CNOT11: variants seen among roughly 807,000 people sequenced by gnomAD.
The protein encoded by CNOT11 is UPF0760 protein C2orf29.
A neutral mutation model predicts 44.6 loss-of-function variants in CNOT11; 18 were observed. The observed-to-expected ratio is 0.40, with a 90% CI of 0.28 to 0.60. The LOEUF (loss-of-function observed/expected upper bound fraction) is 0.60, where lower values mean the gene tolerates loss of function less well. Ranked by LOEUF, CNOT11 falls within the 20% of genes least tolerant of loss-of-function variation. The pLI is 0.38. For synonymous variants in CNOT11, 291 were observed against 270.9 expected (o/e 1.07, Z -0.73); for missense variants, 513 against 677.0 (o/e 0.76, Z 2.69).
In CNOT11 at chr2:101,269,355, G is replaced by A; in HGVS notation, c.1475G>A (p.Arg492Gln). 6.2e-7 allele frequency: 1 copy of A among 1,613,990 alleles called. No individual in the cohort carries two copies. Among genetic ancestry groups the A allele is most frequent in the Non-Finnish European group, 8.5e-7 (1 of 1,179,984 alleles). ...SRIREAAGLFRLLKTLDTGET... is the reference protein window; with the variant it reads ...SRIREAAGLFQLLKTLDTGET... ...ATACGAGAAGCTGCTGGTCTTTTCC[G>A]GTTGTTGAAGACATTGGATACTGGG... Residue 492 changes from arginine (R) to glutamine (Q), a missense_variant, in exon 7 of 7, where the codon CGG (arginine) becomes CAG (glutamine). Coordinates refer to ENST00000289382, the MANE Select transcript of CNOT11 (RefSeq NM_017546.5). The surrounding 1 kb of genome is among the most constrained non-coding windows in gnomAD (Gnocchi z 4.8).
Position 101,253,223 on chromosome 2 carries a change from G to T in CNOT11, c.259G>T (p.Gly87Cys). ...EEAGGGSTFE[G>C]LSTAFHHYFS... ...GGCGGGCGGCGGCAGCACCTTCGAG[G>T]GCCTGTCCACCGCCTTCCACCACTA... is the stretch of plus-strand genomic sequence containing the variant. Residue 87 changes from glycine to cysteine, a missense_variant, in exon 1 of 7, where the codon GGC (glycine) becomes TGC (cysteine). This residue lies in a region of CNOT11 where 259 missense variants were observed against 265.7 expected (regional missense o/e 0.97). Coordinates refer to ENST00000289382, the MANE Select transcript of CNOT11 (RefSeq NM_017546.5). The surrounding 1 kb of genome is among the most constrained non-coding windows in gnomAD (Gnocchi z 4.3). 6.2e-7 allele frequency: 1 copy of T among 1,609,878 alleles called. No homozygotes were observed. Among genetic ancestry groups the T allele is most frequent in the Non-Finnish European group, 8.5e-7 (1 of 1,178,966 alleles).
intron 4 of CNOT11, 119 bp downstream of exon 4, chr2:101,265,166 T>A (rs1341390296): frequency 3.3e-6 from 2 of 602,758 alleles, no homozygotes. Context: ...AGTGGCACGA[T>A]CTCGGCTCAC....
chr2:101,256,164 G>C (rs546998172), intron 1 of CNOT11, among the ~76,000 whole-genome samples: 45 of 151,664 alleles, frequency 3.0e-4, no homozygotes, highest in African/African-American at 9.2e-4. Flanking sequence ...TGTAGAAGTT[G>C]AGGGATTTTG....
At chr2:101,265,135 C>T (rs1439988019) in intron 4 of CNOT11, 88 bp downstream of exon 4, 14 of 913,826 alleles carry the variant, frequency 1.5e-5, no homozygotes, top group Admixed American at 1.3e-4. Flanking sequence ...GAGTCTCACT[C>T]GGCTGCCCAG....
chr2:101,258,779 A>C (rs1273227194), intron 2 of CNOT11, among the ~76,000 whole-genome samples: 3 of 150,880 alleles, frequency 2.0e-5, no homozygotes, highest in Non-Finnish European at 4.4e-5. Flanking sequence ...GTGCAACTGC[A>C]CTTCAGCCTG....
In CNOT11 at chr2:101,253,125, C is replaced by CG; in HGVS notation, c.167dup (p.Ala58ArgfsTer63). On this transcript the variant is annotated frameshift_variant, in exon 1 of 7. Transcript: ENST00000289382. LOFTEE classifies it high-confidence loss of function. The surrounding 1 kb of genome is among the most constrained non-coding windows in gnomAD (Gnocchi z 4.3). Reference sequence around the variant, plus strand: ...GGCCCCGGGTCCGGGAGCGGAGGCCCGGGGGGCCCCGCGGGCAGGATGAGC... The same window carrying CG: ...GGCCCCGGGTCCGGGAGCGGAGGCCCGGGGGGGCCCCGCGGGCAGGATGAGC... 1.9e-6 allele frequency: 3 copies of CG among 1,541,930 alleles called. No individual in the cohort carries two copies. The highest frequency in any genetic ancestry group is 2.6e-6 in the Non-Finnish European group (3 of 1,151,712).
Position 101,266,616 on chromosome 2 carries a change from A to T in CNOT11, c.1036-61A>T. The stretch of plus-strand genomic sequence containing the variant: ...GCTTATTTCATATACATGGGAAAAA[A>T]AATTGACTCAACACCCTTTCTCTCT... On this transcript the variant is annotated intron_variant, in intron 4 of 6. Transcript: ENST00000289382. 6 of 1,324,322 alleles carry T rather than the reference A, an allele frequency of 4.5e-6. No individual in the cohort carries two copies. In the South Asian group the frequency reaches 6.0e-5, roughly 13 times the overall value. 82.0% of individuals were successfully genotyped at this position (1,324,322 alleles called of 1,614,324 possible). A position where few individuals can be genotyped will look rare whatever the true frequency, so the allele number is the denominator to read the frequency against.
In CNOT11 at chr2:101,262,539, A is replaced by G; in HGVS notation, c.680A>G (p.Glu227Gly). 6.2e-7 allele frequency: 1 copy of G among 1,613,736 alleles called. No homozygotes were observed. Among genetic ancestry groups the G allele is most frequent in the Admixed American group, 1.7e-5 (1 of 59,932 alleles). Residue 227 changes from glutamate to glycine, a missense_variant and splice_region_variant, in exon 3 of 7, where the codon GAA becomes GGA. Around this residue, in one of 4 missense-constraint regions of CNOT11, gnomAD observed 140 missense variants for 169.8 expected, o/e 0.82. Transcript: ENST00000289382. ...ATTTTAAAATGTCTCCTATTTCCAG[A>G]ACGCCAATCTGAATTGCCAACGCAA... The part of the protein sequence containing the change: ...DISGLQLALA[E>G]RQSELPTQSK...
Position 101,269,194 on chromosome 2 carries a change from AT to A in CNOT11, c.1336-11del, listed in dbSNP as rs759153224. ...CTGCCAGGAAAATGAGCAGACTAAC[AT>A]TTTTTTTTTTCCTTTTTCAGAATCG... On this transcript the variant is annotated intron_variant, in intron 6 of 6. Transcript: ENST00000289382. This position sits in a 1 kb window ranked among gnomAD's most constrained non-coding sequence, Gnocchi z 4.8. 7.8e-3 allele frequency: 8,696 copies of A among 1,112,348 alleles called. 15 individuals are homozygous for A. The highest frequency in any genetic ancestry group is 0.025 in the South Asian group (1,475 of 58,310). The allele number at this position is 1,112,348 out of a possible 1,614,324, so 68.9% of individuals were successfully genotyped here.
chr2:101,258,626 G>A (rs1023203548), intron 2 of CNOT11, among the ~76,000 whole-genome samples: 1 of 151,616 alleles, frequency 6.6e-6, no homozygotes, highest in African/African-American at 2.4e-5. Context: ...CAGATTTGGT[G>A]CAATTCCTGT....
chr2:101,268,395 A>G (rs191898122), intron 5 of CNOT11, among the ~76,000 whole-genome samples: 28 of 152,270 alleles, frequency 1.8e-4, no homozygotes, highest in African/African-American at 5.8e-4. Flanking sequence ...CTTTTTATCA[A>G]TGTGATTCTA....
chr2:101,263,544 G>A (rs1476420214), intron 3 of CNOT11, among the ~76,000 whole-genome samples: 1 of 152,088 alleles, frequency 6.6e-6, no homozygotes, highest in Non-Finnish European at 1.5e-5. Context: ...CACTCTACCT[G>A]GCATCTGTTT....
At position 101,269,418 on chromosome 2, in the gene CNOT11, T is replaced by C. The variant is rs1682060679; in HGVS notation, c.*5T>C. ...GAGACCAAAATGTCAAAATAATACC[T>C]CATCAGAACCATCCCATCCATTCAC... On this transcript the variant is annotated 3_prime_UTR_variant, in exon 7 of 7. Coordinates refer to ENST00000289382, the MANE Select transcript of CNOT11 (RefSeq NM_017546.5). The surrounding 1 kb of genome is among the most constrained non-coding windows in gnomAD (Gnocchi z 4.8). 3.1e-6 allele frequency: 5 copies of C among 1,612,248 alleles called. No individual in the cohort carries two copies. The African/African-American group carries it at 5.3e-5, about 17-fold the overall frequency.
intron 3 of CNOT11, 111 bp downstream of exon 3, chr2:101,262,802 A>G (rs1484105480): frequency 3.7e-6 from 3 of 814,946 alleles, no homozygotes; most frequent in East Asian, 2.7e-5. Flanking sequence ...CTTAAATTGT[A>G]ATTTAGTGTG....
intron 1 of CNOT11, among the ~76,000 whole-genome samples, chr2:101,254,793 G>C (rs1400508307): frequency 6.6e-6 from 1 of 152,122 alleles, no homozygotes; most frequent in East Asian, 1.9e-4. Context: ...AGCTGCTCAG[G>C]AGTTTGAGGC....
At position 101,253,327 on chromosome 2, in the gene CNOT11, G is replaced by A. The variant is rs2104359162; in HGVS notation, c.363G>A (p.Ala121=). ...AGCAGCCCGACCTGCTGCCTAGCGC[G>A]GCGCAGCGCCTCACGGCGCTCTACC... ...LLQQPDLLPS[A]AQRLTALYLL... is the part of the protein sequence containing the mutation. Residue 121 remains alanine, a synonymous_variant, in exon 1 of 7, where the codon GCG becomes GCA. Coordinates refer to ENST00000289382, the MANE Select transcript of CNOT11 (RefSeq NM_017546.5). This position sits in a 1 kb window ranked among gnomAD's most constrained non-coding sequence, Gnocchi z 4.3. 5.6e-6 allele frequency: 9 copies of A among 1,606,218 alleles called. No individual in the cohort carries two copies. The East Asian group carries it at 6.7e-5, about 12-fold the overall frequency.
rs145493357 is a variant in CNOT11, at chr2:101,267,041, G to A, written c.1238+162G>A. ...TTCACTACATGTAAATTTAGCATGCGTTAATAAGAACTGAGGGTAGGATTT... is the reference window on the plus strand; with the variant it reads ...TTCACTACATGTAAATTTAGCATGCATTAATAAGAACTGAGGGTAGGATTT... On this transcript the variant is annotated intron_variant, in intron 5 of 6. Coordinates refer to ENST00000289382, the MANE Select transcript of CNOT11 (RefSeq NM_017546.5). Among the ~76,000 whole-genome samples the A allele has an allele frequency of 6.3e-3, 962 of 152,296 alleles. 4 individuals carry two copies. Among genetic ancestry groups the A allele is most frequent in the African/African-American group, 0.022 (914 of 41,546 alleles).
intron 4 of CNOT11, among the ~76,000 whole-genome samples, chr2:101,266,373 C>G (rs928491751): frequency 4.6e-5 from 7 of 152,038 alleles, no homozygotes; most frequent in Non-Finnish European, 8.8e-5. Flanking sequence ...ATTGTTACAA[C>G]CAGACAGTAT....
chr2:101,260,828 T>C (rs76859443), intron 2 of CNOT11, among the ~76,000 whole-genome samples: 56,990 of 151,264 alleles, frequency 0.38, 11,418 homozygotes, highest in East Asian at 0.52. Flanking sequence ...AATTTATCTT[T>C]TTTTTTTTTT....
Sources: allele counts gnomAD v4.1 joint callset (sites outside exome capture counted in the v4.1 genomes callset), GRCh38; gene constraint gnomAD v4.1.1; regional missense constraint gnomAD v4.1.1; non-coding constraint Gnocchi (gnomAD v3.1); transcripts MANE v1.5; gene names NCBI Gene and HGNC (gene_info 2026-07-23, HGNC 2026-07-21).